CSF3R: variants seen among roughly 807,000 people sequenced by gnomAD.
The protein encoded by CSF3R is colony stimulating factor 3 receptor.
CSF3R carries 52 observed loss-of-function variants against 84.4 expected under a neutral mutation model. The ratio of observed to expected loss-of-function variants is 0.62; its 90% confidence interval spans 0.49 to 0.78. CSF3R has a LOEUF of 0.78. CSF3R is among the 30% of genes least tolerant of loss of function. The pLI, the probability that CSF3R is intolerant of heterozygous loss-of-function variation, is 0.00. For synonymous variants in CSF3R, 384 were observed against 429.1 expected (o/e 0.89, Z 1.30); for missense variants, 890 against 1,055.7 (o/e 0.84, Z 2.17).
chr1:36,474,693 A>C (rs963927446), intron 4 of CSF3R, among the ~76,000 whole-genome samples: 1 of 152,092 alleles, frequency 6.6e-6, no homozygotes, highest in East Asian at 1.9e-4. Flanking sequence ...CATCCTGCTC[A>C]GTTTGAAAGG....
intron 6 of CSF3R, chr1:36,473,026 C>T (rs966396296): frequency 9.8e-6 from 4 of 406,722 alleles, no homozygotes; most frequent in East Asian, 4.5e-5. Flanking sequence ...CCCCTTCCCC[C>T]CTCTCTCTCT....
At chr1:36,469,865 G>C in intron 10 of CSF3R, 25 bp from the exon 11 acceptor site, 1 of 1,611,720 alleles carries the variant, frequency 6.2e-7, no homozygotes, top group Non-Finnish European at 8.5e-7. Flanking sequence ...GGAAATGGTG[G>C]AATGAAGGTG....
chr1:36,468,457 C>G (rs1286882052), intron 12 of CSF3R: 1 of 450,676 alleles, frequency 2.2e-6, no homozygotes, highest in African/African-American at 2.0e-5. Context: ...TTTCTGATTT[C>G]TACCAGGCCT....
chr1:36,467,213 C>A lies in CSF3R; in HGVS notation c.2040+17G>T, dbSNP rs376058831. ...CGACATCCCCATCTCATTTCCCTCT[C>A]CCTCCTGGATTCTCACCTCCTCCAT... On this transcript the variant is annotated intron_variant, in intron 16 of 16. Coordinates refer to ENST00000373106, the MANE Select transcript of CSF3R (RefSeq NM_000760.4). This position sits in a 1 kb window ranked among gnomAD's most constrained non-coding sequence, Gnocchi z 4.1. The A allele has an allele frequency of 6.2e-7, 1 of 1,613,198 alleles. No individual in the cohort carries two copies. The highest frequency in any genetic ancestry group is 1.3e-5 in the African/African-American group (1 of 74,912).
At position 36,471,597 on chromosome 1, in the gene CSF3R, G is replaced by C; in HGVS notation, c.1121C>G (p.Ser374Cys). 1 of 1,614,250 alleles carries C rather than the reference G, an allele frequency of 6.2e-7. No individual in the cohort carries two copies. Among genetic ancestry groups the C allele is most frequent in the Non-Finnish European group, 8.5e-7 (1 of 1,180,044 alleles). ...DSGRIQGYVV[S>C]WRPSGQAGAI... ...CCCAGCCTGGCCTGAGGGTCTCCAA[G>C]AAACCACATAACCTTGGATCCGTCC... The change falls in exon 10 of 17, where the codon TCT becomes TGT. Residue 374 changes from serine (S) to cysteine (C), a missense_variant. Transcript: ENST00000373106.
In CSF3R at chr1:36,482,823, G is replaced by C. The variant is rs749788930; in HGVS notation, c.-93C>G. ...ATCCCCTACTCACGTTGGCACCTCT[G>C]GCCCAGCCCCTGCTTGGCCTCCTTG... On this transcript the variant is annotated 5_prime_UTR_variant, in exon 1 of 17. Coordinates refer to ENST00000373106, the MANE Select transcript of CSF3R (RefSeq NM_000760.4). The C allele has an allele frequency of 2.0e-5, 3 of 152,446 alleles. No homozygotes were observed. The highest frequency in any genetic ancestry group is 4.4e-5 in the Non-Finnish European group (3 of 68,272). The allele number at this position is 152,446 out of a possible 1,614,324, so 9.4% of individuals were successfully genotyped here.
intron 4 of CSF3R, 31 bp downstream of exon 4, chr1:36,475,346 G>A (rs747238176): frequency 6.2e-7 from 1 of 1,612,214 alleles, no homozygotes; most frequent in African/African-American, 1.3e-5. Context: ...GGTGTTGGAG[G>A]CAGAGTAGTT....
At position 36,468,063 on chromosome 1, in the gene CSF3R, G is replaced by A; in HGVS notation, c.1723+12C>T. 1 of 1,614,258 alleles carries A rather than the reference G, an allele frequency of 6.2e-7. No individual in the cohort carries two copies. On this transcript the variant is annotated intron_variant, in intron 13 of 16. Coordinates refer to ENST00000373106, the MANE Select transcript of CSF3R (RefSeq NM_000760.4). ...CCTTCTGGGGCTGTGGGGGAACTGA[G>A]GATAGACTCACAGAAGGACTGGTTC...
intron 12 of CSF3R, chr1:36,468,581 T>TG (rs989487166): frequency 4.5e-6 from 1 of 219,838 alleles, no homozygotes; most frequent in Non-Finnish European, 9.2e-6. Flanking sequence ...TCACCCAGGC[T>TG]GGAGTGCAGT....
intron 11 of CSF3R, 92 bp from the exon 12 acceptor site, chr1:36,469,349 C>T: frequency 1.0e-6 from 1 of 1,000,286 alleles, no homozygotes. Context: ...GAGGGCTAAC[C>T]TGGCCTCATG....
upstream of CSF3R, chr1:36,483,162 G>A: frequency 6.6e-6 from 1 of 152,242 alleles, no homozygotes; most frequent in East Asian, 1.9e-4. Context: ...CTTTGAGGCT[G>A]GGCAGGGCCC....
chr1:36,469,290 T>A (rs1277332400), intron 11 of CSF3R, 33 bp from the exon 12 acceptor site: 1 of 1,511,130 alleles, frequency 6.6e-7, no homozygotes, highest in South Asian at 1.1e-5. Flanking sequence ...GCACTTCTGT[T>A]AGGGCCTAAC....
rs765406291 is a variant in CSF3R at position 36,475,624 on chromosome 1, C to T, written c.114G>A (p.Leu38=). 13 of 1,606,972 alleles carry T rather than the reference C, an allele frequency of 8.1e-6. No individual in the cohort carries two copies. The Admixed American group carries it at 1.0e-4, about 12-fold the overall frequency. ...TGCAGGAGGCTGTGATGGGATCCCC[C>T]AGGTGGACGATGGGGGCTGAGACAC... ...HISVSAPIVH[L]GDPITASCII... Residue 38 remains leucine, a synonymous_variant, in exon 4 of 17, where the codon CTG becomes CTA. Transcript: ENST00000373106.
At position 36,472,189 on chromosome 1, in the gene CSF3R, C is replaced by A. The variant is rs771506054; in HGVS notation, c.997+49G>T. 5.6e-6 allele frequency: 9 copies of A among 1,613,918 alleles called. No homozygotes were observed. Among genetic ancestry groups the A allele is most frequent in the Non-Finnish European group, 7.6e-6 (9 of 1,179,916 alleles). The stretch of plus-strand genomic sequence containing the variant: ...GTGCCAGTTGGGGAGGGGCCTGGGG[C>A]CTGGACTGGATACTGTTGGCTGCTC... On this transcript the variant is annotated intron_variant, in intron 8 of 16. Coordinates refer to ENST00000373106, the MANE Select transcript of CSF3R (RefSeq NM_000760.4). The surrounding 1 kb of genome is among the most constrained non-coding windows in gnomAD (Gnocchi z 5.0).
intron 3 of CSF3R, among the ~76,000 whole-genome samples, chr1:36,478,678 T>G (rs1651324713): frequency 6.7e-6 from 1 of 149,264 alleles, no homozygotes; most frequent in Non-Finnish European, 1.5e-5. Flanking sequence ...CAAAACTACA[T>G]CTCTACAAAA....
chr1:36,481,593 A>G (rs1451794747), intron 1 of CSF3R, 56 bp from the exon 2 acceptor site: 1 of 152,214 alleles, frequency 6.6e-6, no homozygotes, highest in Non-Finnish European at 1.5e-5. Flanking sequence ...TGAGGATGAA[A>G]TGAGATTATT....
chr1:36,475,618 A>AT lies in CSF3R; in HGVS notation c.119dup (p.Asp40GlufsTer41). 6.2e-7 allele frequency: 1 copy of AT among 1,607,328 alleles called. No homozygotes were observed. Among genetic ancestry groups the AT allele is most frequent in the Non-Finnish European group, 8.5e-7 (1 of 1,174,460 alleles). The stretch of plus-strand genomic sequence containing the variant: ...TGATGATGCAGGAGGCTGTGATGGG[A>AT]TCCCCCAGGTGGACGATGGGGGCTG... On this transcript the variant is annotated frameshift_variant, in exon 4 of 17. Transcript: ENST00000373106. LOFTEE classifies it high-confidence loss of function.
chr1:36,471,878 C>G (rs1035905371), intron 9 of CSF3R, 188 bp downstream of exon 9: 2 of 702,274 alleles, frequency 2.8e-6, no homozygotes, highest in Admixed American at 2.3e-5. Flanking sequence ...CTGAACCACA[C>G]TGTGACGTGC....
Position 36,475,636 on chromosome 1 carries a change from G to A in CSF3R, c.102C>T (p.Pro34=). The A allele has an allele frequency of 6.2e-7, 1 of 1,607,142 alleles. No individual in the cohort carries two copies. Among genetic ancestry groups the A allele is most frequent in the South Asian group, 1.1e-5 (1 of 90,890 alleles). Reference sequence around the variant, plus strand: ...TGATGGGATCCCCCAGGTGGACGATGGGGGCTGAGACACTGATGTGCCCGC... The same window carrying A: ...TGATGGGATCCCCCAGGTGGACGATAGGGGCTGAGACACTGATGTGCCCGC... The part of the protein sequence containing the change: ...EECGHISVSA[P]IVHLGDPITA... The change falls in exon 4 of 17, where the codon CCC becomes CCT. Residue 34 remains proline, a synonymous_variant. Coordinates refer to ENST00000373106, the MANE Select transcript of CSF3R (RefSeq NM_000760.4).
Sources: gnomAD v4.1 joint callset for allele counts (sites outside exome capture counted in the v4.1 genomes callset) on GRCh38, gnomAD v4.1.1 for gene constraint, Gnocchi (gnomAD v3.1) non-coding constraint, MANE v1.5 for transcripts, NCBI Gene and HGNC (gene_info 2026-07-23, HGNC 2026-07-21) for gene names.